SLC8A3: variants seen among roughly 807,000 people sequenced by gnomAD.
SLC8A3 encodes sodium/calcium exchanger 3.
In SLC8A3, 37 loss-of-function variants were observed where a neutral mutation model predicts 65.4. The observed-to-expected ratio is 0.57, with a 90% CI of 0.44 to 0.74. The LOEUF (loss-of-function observed/expected upper bound fraction) is 0.74. Among genes scored for constraint, SLC8A3 ranks in the 30% least tolerant of loss-of-function variants. The pLI is 0.00. For synonymous variants in SLC8A3, 461 were observed against 444.5 expected (o/e 1.04, Z -0.47); for missense variants, 1,112 against 1,172.1 (o/e 0.95, Z 0.75).
intron 6 of SLC8A3, 118 bp downstream of exon 6, chr14:70,048,649 G>A: frequency 1.1e-6 from 1 of 892,104 alleles, no homozygotes; most frequent in South Asian, 1.4e-5. Context: ...GCACTTTAAG[G>A]GCAGAGGCTC....
intron 1 of SLC8A3, among the ~76,000 whole-genome samples, chr14:70,183,966 C>T (rs1882968991): frequency 6.6e-6 from 1 of 152,222 alleles, no homozygotes; most frequent in Admixed American, 6.5e-5. Flanking sequence ...AAGCCTTTGT[C>T]TCCTTGCAGT....
At chr14:70,077,857 C>A (rs1216987944) in intron 2 of SLC8A3, among the ~76,000 whole-genome samples, 2 of 152,204 alleles carry the variant, frequency 1.3e-5, no homozygotes, top group Non-Finnish European at 2.9e-5. Context: ...GTCTGTTTCC[C>A]TTGCAAAAGA....
intron 3 of SLC8A3, among the ~76,000 whole-genome samples, chr14:70,055,028 A>G (rs1308500028): frequency 6.6e-6 from 1 of 152,086 alleles, no homozygotes; most frequent in Non-Finnish European, 1.5e-5. Context: ...ATGCTTTCAT[A>G]TCTGCTCATG....
chr14:70,057,409 C>T (rs1888278874), intron 3 of SLC8A3, among the ~76,000 whole-genome samples: 1 of 152,152 alleles, frequency 6.6e-6, no homozygotes, highest in Non-Finnish European at 1.5e-5. Flanking sequence ...CAGGGGAGAT[C>T]AGAGATCCCA....
At chr14:70,129,441 T>C (rs1413876824) in intron 2 of SLC8A3, among the ~76,000 whole-genome samples, 1 of 152,192 alleles carries the variant, frequency 6.6e-6, no homozygotes, top group Non-Finnish European at 1.5e-5. Flanking sequence ...ACTTAATCCT[T>C]GCAGCAATCC....
intron 2 of SLC8A3, among the ~76,000 whole-genome samples, chr14:70,106,113 A>G (rs1892853627): frequency 6.6e-6 from 1 of 152,184 alleles, no homozygotes; most frequent in African/African-American, 2.4e-5. Context: ...TGAATTAATC[A>G]GTCTGATAAA....
At chr14:70,054,119 T>C (rs115943328) in intron 3 of SLC8A3, among the ~76,000 whole-genome samples, 5,719 of 152,074 alleles carry the variant, frequency 0.038, 357 homozygotes, top group African/African-American at 0.13. Context: ...GAGAGAAAGA[T>C]AGAATATGAA....
chr14:70,140,299 G>A (rs1243900558), intron 2 of SLC8A3, among the ~76,000 whole-genome samples: 2 of 152,138 alleles, frequency 1.3e-5, no homozygotes, highest in African/African-American at 4.8e-5. Flanking sequence ...CATGAACTGA[G>A]TCCCCATGCA....
rs992184079 is a variant in SLC8A3 at position 70,109,277 on chromosome 14, G to A, written c.1785-48338C>T. 2.7e-4 allele frequency among the ~76,000 whole-genome samples: 38 copies of A among 142,402 alleles called. 1 individual carries two copies. Among genetic ancestry groups the A allele is most frequent in the Middle Eastern group, 7.1e-3 (2 of 282 alleles). The allele number at this position is 142,402 out of a possible 152,430, so 93.4% of individuals were successfully genotyped here. The stretch of plus-strand genomic sequence containing the variant: ...GTTACATAGGTATACATGTGCTGAA[G>A]GTTCTTAACCTATATATATATATGT... On this transcript the variant is annotated intron_variant, in intron 2 of 6. Transcript: ENST00000356921.
intron 2 of SLC8A3, among the ~76,000 whole-genome samples, chr14:70,130,322 G>C (rs928215529): frequency 6.6e-6 from 1 of 152,112 alleles, no homozygotes; most frequent in African/African-American, 2.4e-5. Context: ...ACCTGTTCCC[G>C]CCCCCTATAA....
At chr14:70,054,853 A>C (rs2839867) in intron 3 of SLC8A3, among the ~76,000 whole-genome samples, 66,370 of 151,836 alleles carry the variant, frequency 0.44, 14,540 homozygotes, top group African/African-American at 0.49. Flanking sequence ...CTTTGAATAT[A>C]AATGAACTCT....
intron 2 of SLC8A3, among the ~76,000 whole-genome samples, chr14:70,139,313 A>G (rs192709699): frequency 2.8e-4 from 42 of 152,256 alleles, no homozygotes; most frequent in Admixed American, 2.6e-3. Flanking sequence ...TGCCAGCAAA[A>G]TTGTTCAGAA....
chr14:70,060,888 C>G lies in SLC8A3; in HGVS notation c.1836G>C (p.Glu612Asp). The change falls in exon 3 of 7, where the codon GAG becomes GAC. Residue 612 changes from glutamate to aspartate, a missense_variant. By Grantham distance (45) the Glu-to-Asp change is conservative (BLOSUM62 2). Coordinates refer to ENST00000356921, the MANE Select transcript of SLC8A3 (RefSeq NM_182932.3). ...IVDEEEYERQENFFIALGEPK... is the reference protein window; with the variant it reads ...IVDEEEYERQDNFFIALGEPK... ...GTTCACCAAGGGCAATGAAGAAATTCTCTTGCCTTTCGTATTCCTCCTCAT... is the reference window on the plus strand; with the variant it reads ...GTTCACCAAGGGCAATGAAGAAATTGTCTTGCCTTTCGTATTCCTCCTCAT... The G allele has an allele frequency of 6.5e-7, 1 of 1,531,694 alleles. No homozygotes were observed. The highest frequency in any genetic ancestry group is 8.7e-7 in the Non-Finnish European group (1 of 1,144,256). 94.9% of individuals were successfully genotyped at this position (1,531,694 alleles called of 1,614,324 possible).
At chr14:70,154,952 C>G (rs1190164682) in intron 2 of SLC8A3, among the ~76,000 whole-genome samples, 1 of 140,148 alleles carries the variant, frequency 7.1e-6, no homozygotes, top group Non-Finnish European at 1.5e-5. Context: ...CAGAGTGTCA[C>G]TCTGTCACCC....
chr14:70,051,330 T>A (rs1887485030), intron 4 of SLC8A3, among the ~76,000 whole-genome samples: 1 of 152,234 alleles, frequency 6.6e-6, no homozygotes. Flanking sequence ...TCTCACTTTG[T>A]CACCCAGGCT....
chr14:70,093,449 C>T lies in SLC8A3; in HGVS notation c.1785-32510G>A, dbSNP rs888165183. Among the ~76,000 whole-genome samples the T allele has an allele frequency of 2.0e-5, 3 of 152,282 alleles. No homozygotes were observed. The South Asian group carries it at 6.2e-4, about 32-fold the overall frequency. On this transcript the variant is annotated intron_variant, in intron 2 of 6. Coordinates refer to ENST00000356921, the MANE Select transcript of SLC8A3 (RefSeq NM_182932.3). ...TCTGGGCCCTCTTTTCCCTATTTGC[C>T]AAGTGGAGAGAGTAACACCTGTCTC... is the stretch of plus-strand genomic sequence containing the variant.
At chr14:70,157,127 G>A (rs543649682) in intron 2 of SLC8A3, among the ~76,000 whole-genome samples, 10 of 152,276 alleles carry the variant, frequency 6.6e-5, no homozygotes, top group East Asian at 3.9e-4. Flanking sequence ...GGATTCTGAA[G>A]TGGCTATTTC....
chr14:70,116,166 C>T lies in SLC8A3; in HGVS notation c.1784+50473G>A, dbSNP rs1042214568. Reference sequence around the variant, plus strand: ...CTTTGAACTTGGATGTAGCCTGGGCCGGGGTGGCTGGGGAAATAATAAATA... The same window carrying T: ...CTTTGAACTTGGATGTAGCCTGGGCTGGGGTGGCTGGGGAAATAATAAATA... On this transcript the variant is annotated intron_variant, in intron 2 of 6. Coordinates refer to ENST00000356921, the MANE Select transcript of SLC8A3 (RefSeq NM_182932.3). Among the ~76,000 whole-genome samples the T allele has an allele frequency of 3.9e-5, 6 of 152,076 alleles. No individual in the cohort carries two copies. In the South Asian group the frequency reaches 8.3e-4, roughly 21 times the overall value.
chr14:70,068,673 C>T (rs919437123), intron 2 of SLC8A3, among the ~76,000 whole-genome samples: 1 of 152,078 alleles, frequency 6.6e-6, no homozygotes, highest in Non-Finnish European at 1.5e-5. Context: ...CATAAGTCAC[C>T]ATGTCAGGCC....
Sources: allele counts gnomAD v4.1 joint callset (sites outside exome capture counted in the v4.1 genomes callset), GRCh38; gene constraint gnomAD v4.1.1; transcripts MANE v1.5; gene names NCBI Gene and HGNC (gene_info 2026-07-23, HGNC 2026-07-21).